Variants in RARB observed in about 807,000 individuals in gnomAD.
The protein encoded by RARB is HBV-activated protein.
In RARB, 17 loss-of-function variants were observed where a neutral mutation model predicts 51.9. That is an observed-to-expected ratio of 0.33 (90% CI 0.22 to 0.49). RARB has a LOEUF of 0.49. RARB is among the 20% of genes least tolerant of loss of function. The pLI is 0.99. For synonymous variants in RARB, 215 were observed against 195.4 expected (o/e 1.10, Z -0.84); for missense variants, 369 against 550.8 (o/e 0.67, Z 3.30).
intron 2 of RARB, among the ~76,000 whole-genome samples, chr3:25,016,570 T>G (rs1434339508): frequency 6.6e-6 from 1 of 152,142 alleles, no homozygotes; most frequent in African/African-American, 2.4e-5. Flanking sequence ...ACACTTGTGA[T>G]TTGCAGTTTA....
chr3:25,108,520 C>A (rs970742090), intron 3 of RARB, among the ~76,000 whole-genome samples: 7 of 152,100 alleles, frequency 4.6e-5, no homozygotes, highest in Non-Finnish European at 7.4e-5. Context: ...TGGACCAGAT[C>A]AGGAAGTGCC....
intron 2 of RARB, among the ~76,000 whole-genome samples, chr3:24,958,995 GCA>G (rs1696082409): frequency 6.6e-6 from 1 of 152,206 alleles, no homozygotes; most frequent in African/African-American, 2.4e-5. Context: ...GTGCTTCTGA[GCA>G]TCAGCAGGAG....
At chr3:25,006,158 C>T (rs1021537648) in intron 2 of RARB, among the ~76,000 whole-genome samples, 4 of 152,116 alleles carry the variant, frequency 2.6e-5, no homozygotes, top group African/African-American at 4.8e-5. Flanking sequence ...GAAATAGTGT[C>T]CCTCCAGCTT....
chr3:25,071,606 T>C (rs999808488), intron 3 of RARB, among the ~76,000 whole-genome samples: 1 of 152,192 alleles, frequency 6.6e-6, no homozygotes, highest in Non-Finnish European at 1.5e-5. Flanking sequence ...GGTTATATAT[T>C]CTTTTGTCAC....
intron 3 of RARB, among the ~76,000 whole-genome samples, chr3:25,125,448 G>C (rs534153082): frequency 6.6e-6 from 1 of 152,156 alleles, no homozygotes; most frequent in African/African-American, 2.4e-5. Context: ...AAATTGCAGC[G>C]TGTCTTAAGT....
chr3:24,889,275 C>T (rs1341710345), intron 2 of RARB, among the ~76,000 whole-genome samples: 1 of 152,096 alleles, frequency 6.6e-6, no homozygotes, highest in Non-Finnish European at 1.5e-5. Flanking sequence ...ACTAAGTCAT[C>T]CTGGGGCAGC....
chr3:24,962,894 C>T (rs1448783298), intron 2 of RARB, among the ~76,000 whole-genome samples: 1 of 152,072 alleles, frequency 6.6e-6, no homozygotes, highest in Non-Finnish European at 1.5e-5. Flanking sequence ...AGGTAGATTC[C>T]ATTGTTAGCA....
chr3:25,023,114 C>A (rs888610336), intron 2 of RARB, among the ~76,000 whole-genome samples: 12 of 152,150 alleles, frequency 7.9e-5, no homozygotes, highest in African/African-American at 2.9e-4. Flanking sequence ...TCAGTTCTTT[C>A]AGTAAGGAGT....
chr3:25,042,054 G>C (rs1698125837), intron 2 of RARB, among the ~76,000 whole-genome samples: 1 of 152,096 alleles, frequency 6.6e-6, no homozygotes, highest in Non-Finnish European at 1.5e-5. Context: ...AGGGACTGTG[G>C]TAACATAGGC....
intron 2 of RARB, among the ~76,000 whole-genome samples, chr3:24,916,340 G>C (rs767173547): frequency 6.6e-6 from 1 of 152,070 alleles, no homozygotes; most frequent in African/African-American, 2.4e-5. Context: ...CCCACAGAAG[G>C]GCATCAGGAG....
At chr3:25,260,231 G>T (rs763444912) in intron 5 of RARB, among the ~76,000 whole-genome samples, 1 of 152,030 alleles carries the variant, frequency 6.6e-6, no homozygotes, top group Non-Finnish European at 1.5e-5. Flanking sequence ...AGAACACCAG[G>T]GTTTTGCAAG....
chr3:25,094,848 G>T (rs1699265668), intron 3 of RARB, among the ~76,000 whole-genome samples: 2 of 151,738 alleles, frequency 1.3e-5, no homozygotes, highest in Non-Finnish European at 2.9e-5. Flanking sequence ...CTTTCACCCT[G>T]GGAAGGACTC....
At chr3:25,052,329 T>C (rs1314934885) in intron 2 of RARB, among the ~76,000 whole-genome samples, 2 of 152,158 alleles carry the variant, frequency 1.3e-5, no homozygotes, top group Non-Finnish European at 2.9e-5. Flanking sequence ...TATTACAGAT[T>C]CATTGAAACT....
At chr3:25,453,133 C>A (rs1173126091) in intron 1 of RARB, among the ~76,000 whole-genome samples, 1 of 151,508 alleles carries the variant, frequency 6.6e-6, no homozygotes, top group Non-Finnish European at 1.5e-5. Flanking sequence ...AATAACAAGA[C>A]ATTTTTTATG....
intron 2 of RARB, among the ~76,000 whole-genome samples, chr3:24,921,358 A>G (rs1474021850): frequency 6.6e-6 from 1 of 152,172 alleles, no homozygotes; most frequent in Non-Finnish European, 1.5e-5. Flanking sequence ...AGCTGGAGTG[A>G]CTAGAAGAAA....
chr3:25,037,834 C>A (rs778153838), intron 2 of RARB, among the ~76,000 whole-genome samples: 4 of 151,896 alleles, frequency 2.6e-5, no homozygotes, highest in African/African-American at 9.7e-5. Flanking sequence ...GTGTTGGGGA[C>A]CTTAGCTTGA....
intron 5 of RARB, among the ~76,000 whole-genome samples, chr3:25,258,740 A>T (rs1702927563): frequency 6.6e-6 from 1 of 152,158 alleles, no homozygotes; most frequent in African/African-American, 2.4e-5. Context: ...AGAGGGCTTT[A>T]TGCTACCTCA....
At chr3:25,103,863 T>G (rs191611550) in intron 3 of RARB, among the ~76,000 whole-genome samples, 1 of 152,344 alleles carries the variant, frequency 6.6e-6, no homozygotes, top group Admixed American at 6.5e-5. Context: ...GATAATCTCC[T>G]TCTGGTCAAT....
intron 3 of RARB, among the ~76,000 whole-genome samples, chr3:25,557,418 G>C (rs1286762): frequency 2.2e-4 from 33 of 152,004 alleles, no homozygotes; most frequent in African/African-American, 7.2e-4. Context: ...GGCTCTCTCC[G>C]CAGCCTATCA....
Sources: gnomAD v4.1 joint callset for allele counts (sites outside exome capture counted in the v4.1 genomes callset) on GRCh38, gnomAD v4.1.1 for gene constraint, MANE v1.5 for transcripts, NCBI Gene and HGNC (gene_info 2026-07-23, HGNC 2026-07-21) for gene names.